LIMS1: variants seen among roughly 807,000 people sequenced by gnomAD.
The protein encoded by LIMS1 is LIM zinc finger domain containing 1.
In LIMS1, 18 loss-of-function variants were observed where a neutral mutation model predicts 44.1. The observed-to-expected ratio is 0.41, with a 90% confidence interval of 0.28 to 0.61. The LOEUF (loss-of-function observed/expected upper bound fraction) is 0.61, where lower values mean the gene tolerates loss of function less well. Among genes scored for constraint, LIMS1 ranks in the 20% least tolerant of loss-of-function variants. The pLI, the probability that LIMS1 is intolerant of heterozygous loss-of-function variation, is 0.32. For synonymous variants in LIMS1, 93 were observed against 149.1 expected (o/e 0.62, Z 2.74); for missense variants, 201 against 422.0 (o/e 0.48, Z 4.59).
At chr2:108,561,850 C>T (rs947490351) in intron 1 of LIMS1, among the ~76,000 whole-genome samples, 11 of 151,130 alleles carry the variant, frequency 7.3e-5, no homozygotes, top group African/African-American at 2.2e-4. Context: ...TCAAGCAACT[C>T]TCATGCCTCA....
chr2:108,590,200 T>C (rs764499273), intron 1 of LIMS1, among the ~76,000 whole-genome samples: 8 of 152,244 alleles, frequency 5.3e-5, no homozygotes, highest in East Asian at 1.9e-4. Context: ...GTGATACCGA[T>C]TGCATGTGTA....
At chr2:108,543,433 G>GT (rs1404526262) in intron 1 of LIMS1, among the ~76,000 whole-genome samples, 3 of 152,246 alleles carry the variant, frequency 2.0e-5, no homozygotes, top group African/African-American at 7.2e-5. Flanking sequence ...AGGCTGGAGT[G>GT]TAACAGAAAC....
rs1158820545 is a variant in LIMS1 at position 108,677,975 on chromosome 2, T to G, written c.775-4T>G. 5 of 1,597,128 alleles carry G rather than the reference T, an allele frequency of 3.1e-6. No homozygotes were observed. The highest frequency in any genetic ancestry group is 4.3e-6 in the Non-Finnish European group (5 of 1,175,118). Reference sequence around the variant, plus strand: ...GAACTTTGACCACCTTTTTTTATTTTCAGCTATTTGGTGATGTTTGCTTCC... The same window carrying G: ...GAACTTTGACCACCTTTTTTTATTTGCAGCTATTTGGTGATGTTTGCTTCC... On this transcript the variant is annotated splice_region_variant and splice_polypyrimidine_tract_variant and intron_variant, in intron 7 of 9. Coordinates refer to ENST00000544547, the Ensembl canonical transcript of LIMS1.
chr2:108,569,008 C>G (rs1004724571), intron 1 of LIMS1, among the ~76,000 whole-genome samples: 9 of 152,130 alleles, frequency 5.9e-5, no homozygotes, highest in Non-Finnish European at 1.2e-4. Flanking sequence ...TCTCCTGCCT[C>G]AGCCTCCCGG....
rs2433840 is a variant in LIMS1, at chr2:108,678,348, C to T, written c.823+321C>T. The stretch of plus-strand genomic sequence containing the variant: ...GCTCTAGAACAACGTTTATTAGGAA[C>T]AGTTTAATCTGCTATCGTAGTTAGG... On this transcript the variant is annotated intron_variant, in intron 8 of 9. Coordinates refer to ENST00000544547, the Ensembl canonical transcript of LIMS1. The T allele has an allele frequency of 6.8e-6, 3 of 438,138 alleles. No homozygotes were observed. In the East Asian group the frequency reaches 1.5e-4, roughly 21 times the overall value. The allele number at this position is 438,138 out of a possible 1,614,324, so 27.1% of individuals were successfully genotyped here. A position where few individuals can be genotyped will look rare whatever the true frequency, so the allele number is the denominator to read the frequency against.
rs553633387 is a variant in LIMS1 at position 108,673,152 on chromosome 2, A to C, written c.530+123A>C. The C allele has an allele frequency of 4.9e-6, 7 of 1,417,848 alleles. No homozygotes were observed. In the Admixed American group the frequency reaches 1.2e-4, roughly 25 times the overall value. 87.8% of individuals were successfully genotyped at this position (1,417,848 alleles called of 1,614,324 possible). A position where few individuals can be genotyped will look rare whatever the true frequency, so the allele number is the denominator to read the frequency against. ...CCAATTTTTAGTCTAGAAAATTTTA[A>C]ACCTATAGACGAGTCAAGAGAATGA... On this transcript the variant is annotated intron_variant, in intron 5 of 9. Transcript: ENST00000544547.
intron 1 of LIMS1, among the ~76,000 whole-genome samples, chr2:108,635,101 A>T (rs770812507): frequency 6.6e-6 from 1 of 152,118 alleles, no homozygotes; most frequent in Non-Finnish European, 1.5e-5. Flanking sequence ...TGACTTGAAC[A>T]ATGAGTCCAT....
chr2:108,631,688 G>A (rs1256442333), intron 1 of LIMS1, among the ~76,000 whole-genome samples: 1 of 151,876 alleles, frequency 6.6e-6, no homozygotes, highest in African/African-American at 2.4e-5. Flanking sequence ...CCTGGATGTT[G>A]TCACACAGAC....
chr2:108,603,101 C>T (rs1374754972), intron 1 of LIMS1, among the ~76,000 whole-genome samples: 2 of 152,012 alleles, frequency 1.3e-5, no homozygotes, highest in Non-Finnish European at 2.9e-5. Flanking sequence ...TTCTTTTTTT[C>T]GATGTGTCTT....
chr2:108,675,599 A>G (rs572195155), intron 5 of LIMS1, among the ~76,000 whole-genome samples: 1 of 152,328 alleles, frequency 6.6e-6, no homozygotes, highest in East Asian at 1.9e-4. Flanking sequence ...ATGTAATGTG[A>G]TAATATAAGA....
chr2:108,665,031 G>A (rs912178582), intron 2 of LIMS1, among the ~76,000 whole-genome samples: 14 of 152,292 alleles, frequency 9.2e-5, no homozygotes, highest in African/African-American at 3.4e-4. Context: ...GTTAGGGAGT[G>A]CTGAAACCCA....
chr2:108,650,586 T>G (rs545249484), intron 1 of LIMS1, among the ~76,000 whole-genome samples: 1 of 152,038 alleles, frequency 6.6e-6, no homozygotes, highest in South Asian at 2.1e-4. Flanking sequence ...CCAGCTAATG[T>G]TTTGTGTTTT....
chr2:108,575,851 G>A (rs1208182618), intron 1 of LIMS1, among the ~76,000 whole-genome samples: 1 of 152,302 alleles, frequency 6.6e-6, no homozygotes, highest in Non-Finnish European at 1.5e-5. Flanking sequence ...GATGGCATGT[G>A]ATACAGCATT....
intron 2 of LIMS1, among the ~76,000 whole-genome samples, chr2:108,663,565 G>T (rs1691520021): frequency 6.6e-6 from 1 of 152,146 alleles, no homozygotes; most frequent in Admixed American, 6.5e-5. Context: ...TGCAGAGTGG[G>T]ATGGACTGAA....
intron 1 of LIMS1, among the ~76,000 whole-genome samples, chr2:108,642,384 G>A (rs185553511): frequency 0.25 from 31,243 of 122,968 alleles, 5,815 homozygotes; most frequent in East Asian, 0.9. Flanking sequence ...TTTTGAGACG[G>A]AGTCTCGCTC....
In LIMS1 at chr2:108,553,950, G is replaced by A. The variant is rs571425118; in HGVS notation, c.32+19356G>A. On this transcript the variant is annotated intron_variant, in intron 1 of 9. Transcript: ENST00000544547. ...GTGTAGTGTTTGATGATATAGATAG[G>A]CATGATTATCCTCATTCTCTTTTAT... Among the ~76,000 whole-genome samples, 60 of 152,156 alleles carry A rather than the reference G, an allele frequency of 3.9e-4. 3 individuals are homozygous for A. The highest frequency in any genetic ancestry group is 2.9e-5 in the Non-Finnish European group (2 of 68,030).
At chr2:108,582,013 T>C (rs1253144562) in intron 1 of LIMS1, among the ~76,000 whole-genome samples, 1 of 151,964 alleles carries the variant, frequency 6.6e-6, no homozygotes, top group Non-Finnish European at 1.5e-5. Context: ...AGTTTGAAAA[T>C]ATTTCAAGTT....
exon 10 of LIMS1, chr2:108,684,616 T>A (rs1446953510): frequency 6.6e-6 from 1 of 152,108 alleles, no homozygotes; most frequent in Non-Finnish European, 1.5e-5. Context: ...TCCTTGTGAA[T>A]TCTTCCTTCA....
intron 1 of LIMS1, among the ~76,000 whole-genome samples, chr2:108,629,062 T>G (rs1688746357): frequency 6.6e-6 from 1 of 152,266 alleles, no homozygotes; most frequent in South Asian, 2.1e-4. Context: ...TTTGTCTATC[T>G]ATGTTGCCAT....
Sources: gnomAD v4.1 joint callset for allele counts (sites outside exome capture counted in the v4.1 genomes callset) on GRCh38, gnomAD v4.1.1 for gene constraint, MANE v1.5 for transcripts, NCBI Gene and HGNC (gene_info 2026-07-23, HGNC 2026-07-21) for gene names.